The following RGPD2 variants were observed in gnomAD, a reference collection of about 807,000 sequenced individuals.
The protein encoded by RGPD2 is RANBP2-like and GRIP domain-containing protein 2.
A neutral mutation model predicts 36.0 loss-of-function variants in RGPD2; 2 were observed. That is an observed-to-expected ratio of 0.06 (90% CI 0.02 to 0.17). The LOEUF (loss-of-function observed/expected upper bound fraction) is 0.17, where lower values mean the gene tolerates loss of function less well. Among genes scored for constraint, RGPD2 ranks in the 10% least tolerant of loss-of-function variants. The pLI, the probability that RGPD2 is intolerant of heterozygous loss-of-function variation, is 1.00. For missense variants in RGPD2, 40 were observed against 464.3 expected (o/e 0.09, Z 8.40); for synonymous variants, 19 against 163.8 (o/e 0.12, Z 6.75).
At chr2:87,813,143 T>C (rs1686167960) in intron 4 of RGPD2, among the ~76,000 whole-genome samples, 1 of 152,256 alleles carries the variant, frequency 6.6e-6, no homozygotes, top group South Asian at 2.1e-4. Flanking sequence ...CACATATAAA[T>C]ACACACACTT....
the RGPD2 span, among the ~76,000 whole-genome samples, chr2:87,927,671 T>C: frequency 6.6e-6 from 1 of 151,552 alleles, no homozygotes; most frequent in Non-Finnish European, 1.5e-5. Context: ...GTTTATAGTA[T>C]CATGTCTTTT....
the RGPD2 span, among the ~76,000 whole-genome samples, chr2:87,979,962 T>C: frequency 6.6e-6 from 1 of 150,902 alleles, no homozygotes; most frequent in Admixed American, 6.6e-5. Context: ...TGAGTGTGCA[T>C]ATATTAAAAC....
chr2:87,961,784 T>G, the RGPD2 span, among the ~76,000 whole-genome samples: 1 of 150,450 alleles, frequency 6.6e-6, no homozygotes, highest in African/African-American at 2.4e-5. Context: ...CCTCTCTATA[T>G]GCAGGCCCCT....
the RGPD2 span, among the ~76,000 whole-genome samples, chr2:87,903,549 G>A: frequency 6.6e-6 from 1 of 151,938 alleles, no homozygotes; most frequent in Admixed American, 6.6e-5. Context: ...GTGAGCCATA[G>A]GTTCCTCCCC....
upstream of RGPD2, among the ~76,000 whole-genome samples, chr2:87,827,169 A>G (rs1161171554): frequency 2.0e-5 from 3 of 152,168 alleles, no homozygotes; most frequent in Non-Finnish European, 4.4e-5. Flanking sequence ...AAGAGTTAAA[A>G]AGAATAATGT....
At chr2:87,825,016 G>A (rs796766773) in intron 1 of RGPD2, 2 of 392,696 alleles carry the variant, frequency 5.1e-6, no homozygotes, top group Non-Finnish European at 4.5e-6. Context: ...TCATCACTCA[G>A]CTAAAAATAT....
the RGPD2 span, among the ~76,000 whole-genome samples, chr2:87,960,286 C>T: frequency 7.8e-6 from 1 of 127,534 alleles, no homozygotes; most frequent in East Asian, 2.5e-4. Context: ...GAACTCATTT[C>T]TTCCCTCTCT....
chr2:87,979,515 C>G, the RGPD2 span, among the ~76,000 whole-genome samples: 16 of 55,936 alleles, frequency 2.9e-4, no homozygotes, highest in African/African-American at 1.1e-3. Context: ...ACATCAAGTT[C>G]TAGAACAGGC....
upstream of RGPD2, among the ~76,000 whole-genome samples, chr2:87,827,033 C>T (rs1362961593): frequency 1.3e-5 from 2 of 148,334 alleles, no homozygotes; most frequent in African/African-American, 5.0e-5. Flanking sequence ...TAGCCTCTTC[C>T]TACTAGAATG....
the RGPD2 span, among the ~76,000 whole-genome samples, chr2:87,961,935 C>T: frequency 7.1e-6 from 1 of 139,964 alleles, no homozygotes; most frequent in Admixed American, 7.3e-5. Context: ...TTTGGGAGGT[C>T]GAGGCGGGAG....
chr2:87,985,707 A>G, the RGPD2 span: 1 of 1,550,816 alleles, frequency 6.4e-7, no homozygotes, highest in Non-Finnish European at 8.9e-7. Flanking sequence ...CTCATAAAGA[A>G]AACAATTGTA....
the RGPD2 span, among the ~76,000 whole-genome samples, chr2:87,865,261 A>T: frequency 6.6e-6 from 1 of 152,158 alleles, no homozygotes; most frequent in Non-Finnish European, 1.5e-5. Context: ...GGTATTAGTT[A>T]TAAACGAAGT....
chr2:87,869,121 G>T, the RGPD2 span, among the ~76,000 whole-genome samples: 2 of 150,810 alleles, frequency 1.3e-5, no homozygotes, highest in East Asian at 3.9e-4. Context: ...AAACCATATT[G>T]ATGTATTGGT....
the RGPD2 span, among the ~76,000 whole-genome samples, chr2:87,884,986 A>G: frequency 1.2e-4 from 19 of 152,160 alleles, no homozygotes; most frequent in African/African-American, 4.3e-4. Flanking sequence ...ACACTACAAG[A>G]AAAGAAAAAC....
At chr2:87,921,427 C>A in the RGPD2 span, among the ~76,000 whole-genome samples, 1 of 152,106 alleles carries the variant, frequency 6.6e-6, no homozygotes, top group East Asian at 1.9e-4. Flanking sequence ...ATTGAGAACA[C>A]CTGAACTGAT....
the RGPD2 span, among the ~76,000 whole-genome samples, chr2:87,860,728 TTG>T: frequency 1.3e-5 from 2 of 152,046 alleles, no homozygotes; most frequent in East Asian, 3.9e-4. Context: ...CAAAGTGTGT[TTG>T]TGTGTGTGTG....
At chr2:87,822,470 G>GA (rs1335786259) in intron 1 of RGPD2, among the ~76,000 whole-genome samples, 3 of 134,752 alleles carry the variant, frequency 2.2e-5, no homozygotes, top group Non-Finnish European at 4.7e-5. Context: ...TCAAAATTGC[G>GA]AAAAAAATTA....
At chr2:87,840,509 C>G in the RGPD2 span, among the ~76,000 whole-genome samples, 1 of 151,544 alleles carries the variant, frequency 6.6e-6, no homozygotes, top group Non-Finnish European at 1.5e-5. Flanking sequence ...ATAAATGAAC[C>G]CTTGATATAC....
At chr2:87,958,501 T>C in the RGPD2 span, among the ~76,000 whole-genome samples, 2 of 152,286 alleles carry the variant, frequency 1.3e-5, no homozygotes, top group Non-Finnish European at 1.5e-5. Flanking sequence ...ATTTAAAGGT[T>C]AAACATTTCT....
Sources: allele counts gnomAD v4.1 joint callset (sites outside exome capture counted in the v4.1 genomes callset), GRCh38; gene constraint gnomAD v4.1.1; transcripts MANE v1.5; gene names NCBI Gene and HGNC (gene_info 2026-07-23, HGNC 2026-07-21).